The following PCDH7 variants were observed in gnomAD, a reference collection of about 807,000 sequenced individuals.
PCDH7 encodes protocadherin 7, also known as protocadherin-7.
In PCDH7, 17 loss-of-function variants were observed where a neutral mutation model predicts 58.9. The observed-to-expected ratio is 0.29, with a 90% confidence interval of 0.20 to 0.43. PCDH7 has a LOEUF of 0.43. Among genes scored for constraint, PCDH7 ranks in the 20% least tolerant of loss-of-function variants. PCDH7 has a pLI of 1.00. For missense variants in PCDH7, 1,274 were observed against 1,441.0 expected (o/e 0.88, Z 1.88); for synonymous variants, 664 against 616.4 (o/e 1.08, Z -1.14).
chr4:31,022,822 G>T (rs894905251), intron 3 of PCDH7, among the ~76,000 whole-genome samples: 1 of 152,120 alleles, frequency 6.6e-6, no homozygotes, highest in African/African-American at 2.4e-5. Context: ...CTTACACATA[G>T]GGGTAGAAAT....
chr4:30,768,488 T>C (rs913570108), intron 1 of PCDH7, among the ~76,000 whole-genome samples: 1 of 152,208 alleles, frequency 6.6e-6, no homozygotes, highest in Non-Finnish European at 1.5e-5. Context: ...AAAGGAGATA[T>C]GAACAGGAAG....
At chr4:30,756,987 C>A (rs1162624477) in intron 1 of PCDH7, among the ~76,000 whole-genome samples, 2 of 152,218 alleles carry the variant, frequency 1.3e-5, no homozygotes, top group Non-Finnish European at 2.9e-5. Flanking sequence ...CCAGAGCTTA[C>A]AGTAACAGCT....
intron 3 of PCDH7, among the ~76,000 whole-genome samples, chr4:31,114,604 A>G (rs1261457989): frequency 6.7e-6 from 1 of 148,894 alleles, no homozygotes; most frequent in Non-Finnish European, 1.5e-5. Flanking sequence ...TTCCAAAGTC[A>G]CTCACCATGC....
chr4:30,989,113 A>T (rs1394947518), intron 3 of PCDH7, among the ~76,000 whole-genome samples: 2 of 152,076 alleles, frequency 1.3e-5, no homozygotes, highest in African/African-American at 4.8e-5. Flanking sequence ...CTGAATTGTG[A>T]ATGCAAAACT....
chr4:30,872,740 G>A (rs1735783253), intron 1 of PCDH7, among the ~76,000 whole-genome samples: 1 of 152,080 alleles, frequency 6.6e-6, no homozygotes, highest in African/African-American at 2.4e-5. Flanking sequence ...CTTTGCAGAG[G>A]CAGTGTAACA....
In PCDH7 at chr4:30,875,045, C is replaced by T. The variant is rs150035321; in HGVS notation, c.71-45108C>T. 1.5e-4 allele frequency among the ~76,000 whole-genome samples: 23 copies of T among 152,116 alleles called. 1 individual carries two copies. Among genetic ancestry groups the T allele is most frequent in the African/African-American group, 5.3e-4 (22 of 41,502 alleles). Reference sequence around the variant, plus strand: ...CATCGTATTTTCAAGTTGGCTAAGACCTTAGAGACTGTATTAGTTTGCTAG... The same window carrying T: ...CATCGTATTTTCAAGTTGGCTAAGATCTTAGAGACTGTATTAGTTTGCTAG... On this transcript the variant is annotated intron_variant, in intron 1 of 3. Transcript: ENST00000509759.
At chr4:30,750,140 T>A (rs1471064263) in intron 1 of PCDH7, among the ~76,000 whole-genome samples, 1 of 152,204 alleles carries the variant, frequency 6.6e-6, no homozygotes, top group African/African-American at 2.4e-5. Flanking sequence ...AGGGAATTTC[T>A]GATCTATAAT....
At chr4:30,956,641 A>G (rs1250963407) in intron 3 of PCDH7, among the ~76,000 whole-genome samples, 3 of 152,234 alleles carry the variant, frequency 2.0e-5, no homozygotes, top group Non-Finnish European at 4.4e-5. Context: ...AAGCATTCAC[A>G]TAGAATCATA....
chr4:31,045,116 T>G (rs1414468804), intron 3 of PCDH7, among the ~76,000 whole-genome samples: 1 of 151,682 alleles, frequency 6.6e-6, no homozygotes, highest in Non-Finnish European at 1.5e-5. Flanking sequence ...ATTAATTTAT[T>G]CTAGCATGGT....
intron 3 of PCDH7, among the ~76,000 whole-genome samples, chr4:31,068,586 G>A (rs899762712): frequency 6.6e-6 from 1 of 151,908 alleles, no homozygotes; most frequent in Non-Finnish European, 1.5e-5. Context: ...TTTTCAGTAG[G>A]ATCCAATTCT....
At chr4:30,784,210 C>G (rs1262327090) in intron 1 of PCDH7, among the ~76,000 whole-genome samples, 1 of 152,138 alleles carries the variant, frequency 6.6e-6, no homozygotes, top group East Asian at 1.9e-4. Flanking sequence ...TGACCCTTAC[C>G]AAAGACAATT....
At chr4:30,991,411 A>C (rs539772822) in intron 3 of PCDH7, among the ~76,000 whole-genome samples, 1 of 152,342 alleles carries the variant, frequency 6.6e-6, no homozygotes, top group South Asian at 2.1e-4. Context: ...CAGAGGCTAG[A>C]CAAGAAGAAA....
chr4:30,976,399 C>CTTT (rs370648622), intron 3 of PCDH7, among the ~76,000 whole-genome samples: 1,852 of 113,478 alleles, frequency 0.016, 139 homozygotes, highest in African/African-American at 0.055. Context: ...CCATAAAATA[C>CTTT]TTTTTTTTTT....
chr4:31,046,609 T>C (rs1008445393), intron 3 of PCDH7, among the ~76,000 whole-genome samples: 5 of 151,976 alleles, frequency 3.3e-5, no homozygotes, highest in African/African-American at 1.2e-4. Context: ...AAAATCTCAG[T>C]TTTTTAAAGC....
chr4:30,762,370 G>T (rs1720137461), intron 1 of PCDH7, among the ~76,000 whole-genome samples: 1 of 152,014 alleles, frequency 6.6e-6, no homozygotes, highest in Admixed American at 6.6e-5. Flanking sequence ...TAACTAAACT[G>T]ATCCAATATG....
intron 1 of PCDH7, among the ~76,000 whole-genome samples, chr4:30,770,135 C>T (rs1268430096): frequency 6.6e-6 from 1 of 152,186 alleles, no homozygotes; most frequent in African/African-American, 2.4e-5. Flanking sequence ...GACTCAGGTA[C>T]ACCATGCTGT....
chr4:31,106,614 A>C (rs1356984360), intron 3 of PCDH7, among the ~76,000 whole-genome samples: 1 of 152,228 alleles, frequency 6.6e-6, no homozygotes, highest in African/African-American at 2.4e-5. Context: ...ATGTCATGTT[A>C]CTTCCTATTT....
chr4:30,834,680 C>T (rs1730244519), intron 1 of PCDH7, among the ~76,000 whole-genome samples: 1 of 151,562 alleles, frequency 6.6e-6, no homozygotes, highest in South Asian at 2.1e-4. Context: ...AAAAAAAAAC[C>T]TGAGTCTCTT....
chr4:31,051,619 G>A (rs548283959), intron 3 of PCDH7, among the ~76,000 whole-genome samples: 73 of 152,102 alleles, frequency 4.8e-4, no homozygotes, highest in Middle Eastern at 3.4e-3. Context: ...AATGCCCTTT[G>A]TTTTAAATTT....
Sources: gnomAD v4.1 joint callset for allele counts (sites outside exome capture counted in the v4.1 genomes callset) on GRCh38, gnomAD v4.1.1 for gene constraint, MANE v1.5 for transcripts, NCBI Gene and HGNC (gene_info 2026-07-23, HGNC 2026-07-21) for gene names.